Variants in LONRF1 observed in about 807,000 individuals in gnomAD.
LONRF1 encodes LON peptidase N-terminal domain and RING finger protein 1.
In LONRF1, 37 loss-of-function variants were observed where a neutral mutation model predicts 85.8. That is an observed-to-expected ratio of 0.43 (90% confidence interval 0.33 to 0.57). LONRF1 has a LOEUF of 0.57. LONRF1 is among the 20% of genes least tolerant of loss of function. The pLI is 0.04. For synonymous variants in LONRF1, 517 were observed against 390.1 expected, an observed-to-expected ratio of 1.33 and a Z score of -3.83; for missense variants, 1,036 against 978.0, an observed-to-expected ratio of 1.06 and a Z score of -0.79.
intron 1 of LONRF1, among the ~76,000 whole-genome samples, chr8:12,748,010 T>C (rs1167195348): frequency 1.3e-5 from 2 of 152,206 alleles, no homozygotes; most frequent in African/African-American, 4.8e-5. Flanking sequence ...CATGTAATAC[T>C]AGTCCACATG....
intron 2 of LONRF1, among the ~76,000 whole-genome samples, chr8:12,742,378 C>T (rs567824858): frequency 6.6e-6 from 1 of 152,208 alleles, no homozygotes; most frequent in African/African-American, 2.4e-5. Context: ...AAAGGAGAAT[C>T]TGTAAACTGA....
chr8:12,740,088 T>G (rs1798872289), intron 3 of LONRF1, among the ~76,000 whole-genome samples: 1 of 152,188 alleles, frequency 6.6e-6, no homozygotes, highest in Non-Finnish European at 1.5e-5. Flanking sequence ...AGGTTTAACA[T>G]GATCCCCACA....
At chr8:12,754,611 T>A in intron 1 of LONRF1, 89 bp downstream of exon 1, 1 of 1,220,596 alleles carries the variant, frequency 8.2e-7, no homozygotes, top group South Asian at 3.4e-5. Flanking sequence ...CAGAGGAGAC[T>A]CTCGGGGCGC....
intron 10 of LONRF1, among the ~76,000 whole-genome samples, chr8:12,726,452 T>C (rs951977856): frequency 6.6e-6 from 1 of 152,206 alleles, no homozygotes; most frequent in African/African-American, 2.4e-5. Flanking sequence ...TACACAATGA[T>C]GAGCTTCTGC....
intron 8 of LONRF1, among the ~76,000 whole-genome samples, chr8:12,729,911 G>A (rs1798463826): frequency 6.6e-6 from 1 of 152,190 alleles, no homozygotes; most frequent in Admixed American, 6.5e-5. Flanking sequence ...TAAAGGCAAT[G>A]CCCAGTTCTG....
At chr8:12,748,450 G>T (rs775703831) in intron 1 of LONRF1, among the ~76,000 whole-genome samples, 1 of 152,098 alleles carries the variant, frequency 6.6e-6, no homozygotes, top group African/African-American at 2.4e-5. Flanking sequence ...TCCCTCCTTG[G>T]CCTCCCAAAG....
In LONRF1 at chr8:12,738,001, T is replaced by C. The variant is rs771982911; in HGVS notation, c.1107A>G (p.Pro369=). The stretch of plus-strand genomic sequence containing the variant: ...ACCTTGTCTCACCCCGTACCTGCTT[T>C]GGGCTAGGTTCATTGAGAGACTGAG... ...EESQSLNEPS[P]KQSEEIPEVT... The change falls in exon 4 of 12, where the codon CCA becomes CCG. Residue 369 remains proline, a synonymous_variant. Transcript: ENST00000398246. 2.5e-6 allele frequency: 4 copies of C among 1,603,448 alleles called. No individual in the cohort carries two copies. The highest frequency in any genetic ancestry group is 2.5e-6 in the Non-Finnish European group (3 of 1,176,530).
At chr8:12,742,219 C>A (rs965823325) in intron 2 of LONRF1, among the ~76,000 whole-genome samples, 32 of 152,292 alleles carry the variant, frequency 2.1e-4, no homozygotes, top group African/African-American at 7.7e-4. Context: ...GATTTCGTAT[C>A]ATTTCTCTAA....
intron 10 of LONRF1, among the ~76,000 whole-genome samples, chr8:12,726,498 C>T (rs889036654): frequency 2.0e-5 from 3 of 152,206 alleles, no homozygotes; most frequent in Non-Finnish European, 4.4e-5. Flanking sequence ...CTCTGGAACC[C>T]CTCAGTGTAT....
Position 12,751,300 on chromosome 8 carries a change from T to TTTTTTTGTTTGTTTTG in LONRF1, c.721+3399_721+3400insCAAAACAAACAAAAAA, listed in dbSNP as rs747238196. On this transcript the variant is annotated intron_variant, in intron 1 of 11. Transcript: ENST00000398246. ...GGATTATATTTTTATTTTTATGTTT[T>TTTTTTTGTTTGTTTTG]TTTTTTTTTTTTTTTTTTTTGAGAC... 1.2e-4 allele frequency among the ~76,000 whole-genome samples: 10 copies of TTTTTTTGTTTGTTTTG among 83,784 alleles called. 1 individual carries two copies. Among genetic ancestry groups the TTTTTTTGTTTGTTTTG allele is most frequent in the African/African-American group, 3.7e-4 (10 of 26,906 alleles). 55.0% of individuals were successfully genotyped at this position (83,784 alleles called of 152,430 possible). A position where few individuals can be genotyped will look rare whatever the true frequency, so the allele number is the denominator to read the frequency against.
At chr8:12,741,753 T>C (rs968032492) in intron 2 of LONRF1, among the ~76,000 whole-genome samples, 9 of 152,224 alleles carry the variant, frequency 5.9e-5, no homozygotes, top group African/African-American at 1.4e-4. Flanking sequence ...GAATGTATAA[T>C]TGCCCATGAA....
chr8:12,741,880 A>G (rs1273283005), intron 2 of LONRF1, among the ~76,000 whole-genome samples: 7 of 138,104 alleles, frequency 5.1e-5, no homozygotes, highest in Non-Finnish European at 1.1e-4. Flanking sequence ...TTAGAGTCCT[A>G]CTAATTATCA....
intron 1 of LONRF1, among the ~76,000 whole-genome samples, chr8:12,752,346 T>C (rs1799441702): frequency 6.6e-6 from 1 of 152,256 alleles, no homozygotes; most frequent in Non-Finnish European, 1.5e-5. Context: ...GAGACACTTA[T>C]AAATCGGCCC....
chr8:12,745,895 T>C (rs955829319), intron 1 of LONRF1, among the ~76,000 whole-genome samples: 2 of 152,220 alleles, frequency 1.3e-5, no homozygotes, highest in African/African-American at 4.8e-5. Context: ...ACAGATGTGC[T>C]AGTTGTCATG....
rs761763576 is a variant in LONRF1, at chr8:12,736,831, AG to A, written c.1355-35del. 7 of 1,585,542 alleles carry A rather than the reference AG, an allele frequency of 4.4e-6. No homozygotes were observed. In the Admixed American group the frequency reaches 1.1e-4, roughly 25 times the overall value. ...ACAAAGACATGGGGTTTTCTTCCTT[AG>A]GAAAAACTTTAAAGACTATTCTGAC... On this transcript the variant is annotated intron_variant, in intron 5 of 11. Coordinates refer to ENST00000398246, the MANE Select transcript of LONRF1 (RefSeq NM_152271.5).
intron 1 of LONRF1, among the ~76,000 whole-genome samples, chr8:12,752,286 ACAG>A (rs1799439122): frequency 1.3e-5 from 2 of 152,358 alleles, no homozygotes; most frequent in Middle Eastern, 3.4e-3. Flanking sequence ...GATTGTACAA[ACAG>A]CTTATGACTG....
chr8:12,740,582 T>A (rs1351624680), intron 3 of LONRF1, among the ~76,000 whole-genome samples: 3 of 152,168 alleles, frequency 2.0e-5, no homozygotes, highest in African/African-American at 7.2e-5. Flanking sequence ...AGCAGGAACA[T>A]CGTGATAGTA....
chr8:12,737,309 A>C (rs894623238), intron 4 of LONRF1, 169 bp from the exon 5 acceptor site: 2 of 870,330 alleles, frequency 2.3e-6, no homozygotes, highest in African/African-American at 1.7e-5. Context: ...GATTTTTGCC[A>C]GCACAGTTGG....
In LONRF1 at chr8:12,729,079, G is replaced by C. The variant is rs377478897; in HGVS notation, c.1848-16C>G. ...ATCTGCAAAACTAAAAGAAAACCTTGATTAGTAACAAAGTTGAAACATAAA... is the reference window on the plus strand; with the variant it reads ...ATCTGCAAAACTAAAAGAAAACCTTCATTAGTAACAAAGTTGAAACATAAA... On this transcript the variant is annotated splice_polypyrimidine_tract_variant and intron_variant, in intron 9 of 11. Transcript: ENST00000398246. 6.2e-6 allele frequency: 10 copies of C among 1,612,784 alleles called. No individual in the cohort carries two copies. Among genetic ancestry groups the C allele is most frequent in the Admixed American group, 1.7e-5 (1 of 59,844 alleles).
Sources: allele counts gnomAD v4.1 joint callset (sites outside exome capture counted in the v4.1 genomes callset), GRCh38; gene constraint gnomAD v4.1.1; transcripts MANE v1.5; gene names NCBI Gene and HGNC (gene_info 2026-07-23, HGNC 2026-07-21).